The following DCAF8L2 variants were observed in gnomAD, a reference collection of about 807,000 sequenced individuals.
DCAF8L2 encodes DDB1 and CUL4 associated factor 8 like 2.
For synonymous variants in DCAF8L2, 200 were observed against 190.9 expected (o/e 1.05, Z -0.39); for missense variants, 430 against 490.7 (o/e 0.88, Z 1.17).
chrX:27,656,765 G>C (rs1929368812), intron 2 of DCAF8L2, among the ~76,000 whole-genome samples: 1 of 111,754 alleles, frequency 8.9e-6, no homozygotes, highest in African/African-American at 3.3e-5. Context: ...CTTAGGCTAA[G>C]ATCCAGAACA....
intron 4 of DCAF8L2, among the ~76,000 whole-genome samples, chrX:27,746,203 T>A (rs1319618201): frequency 8.9e-6 from 1 of 111,932 alleles, no homozygotes; most frequent in Non-Finnish European, 1.9e-5. Flanking sequence ...ATAAATAAAA[T>A]TTTAGTGGCA....
chrX:27,623,020 A>T (rs1156994229), intron 1 of DCAF8L2, among the ~76,000 whole-genome samples: 1 of 112,378 alleles, frequency 8.9e-6, no homozygotes, highest in South Asian at 3.6e-4. Flanking sequence ...TTATAAGGAA[A>T]CACTTTTGCT....
the DCAF8L2 span, among the ~76,000 whole-genome samples, chrX:27,468,974 G>T: frequency 8.9e-6 from 1 of 111,744 alleles, no homozygotes; most frequent in African/African-American, 3.3e-5. Flanking sequence ...AGCAGTCCTG[G>T]TTATTGTCTT....
At chrX:27,598,473 G>A (rs112828819) in intron 1 of DCAF8L2, among the ~76,000 whole-genome samples, 2,112 of 112,544 alleles carry the variant, frequency 0.019, 14 homozygotes, top group Middle Eastern at 0.041. Context: ...GGCACAGTGA[G>A]TTCTTGCTTC....
At chrX:27,493,246 A>C in the DCAF8L2 span, among the ~76,000 whole-genome samples, 2 of 111,213 alleles carry the variant, frequency 1.8e-5, no homozygotes, top group African/African-American at 6.5e-5. Context: ...GTCTAAAATA[A>C]ATTAAATTAA....
At chrX:27,536,977 C>A in the DCAF8L2 span, among the ~76,000 whole-genome samples, 1 of 112,276 alleles carries the variant, frequency 8.9e-6, no homozygotes, top group Non-Finnish European at 1.9e-5. Flanking sequence ...ATGATTATTT[C>A]TCGTACCCTC....
chrX:27,541,343 TTTTA>T, the DCAF8L2 span, among the ~76,000 whole-genome samples: 3,754 of 94,054 alleles, frequency 0.04, 133 homozygotes, highest in African/African-American at 0.096. Flanking sequence ...TTATTTTTTA[TTTTA>T]TTTATTTATT....
chrX:27,478,040 A>C, the DCAF8L2 span, among the ~76,000 whole-genome samples: 2 of 111,303 alleles, frequency 1.8e-5, no homozygotes, highest in Non-Finnish European at 3.8e-5. Flanking sequence ...CATGTGTCCA[A>C]TTCTGCTGTG....
chrX:27,480,043 C>T, the DCAF8L2 span, among the ~76,000 whole-genome samples: 1 of 112,520 alleles, frequency 8.9e-6, no homozygotes, highest in Non-Finnish European at 1.9e-5. Context: ...GGTCTCCAAA[C>T]ATGTTAAGAG....
At chrX:27,599,299 A>T (rs1010257398) in intron 1 of DCAF8L2, among the ~76,000 whole-genome samples, 1 of 111,614 alleles carries the variant, frequency 9.0e-6, no homozygotes, top group East Asian at 2.8e-4. Context: ...TTCCACCTAT[A>T]TGAGGTATCT....
At position 27,703,179 on chromosome X, in the gene DCAF8L2, G is replaced by A. The variant is rs1931195484; in HGVS notation, c.-142-12909G>A. ...TACACAGAATATTGCAAAACAGTTC[G>A]ACAGAAATGAAAGATTTAAATAAAT... On this transcript the variant is annotated intron_variant, in intron 3 of 4. Coordinates refer to ENST00000451261, the MANE Select transcript of DCAF8L2 (RefSeq NM_001353450.2). Among the ~76,000 whole-genome samples the A allele has an allele frequency of 4.5e-5, 5 of 111,114 alleles. No individual in the cohort carries two copies. In the South Asian group the frequency reaches 1.9e-3, roughly 41 times the overall value.
At chrX:27,493,703 T>G in the DCAF8L2 span, among the ~76,000 whole-genome samples, 1 of 40,888 alleles carries the variant, frequency 2.4e-5, no homozygotes, top group East Asian at 7.3e-4. Context: ...TGAAACTCCA[T>G]CTCAAAAAAA....
chrX:27,582,777 G>C, the DCAF8L2 span, among the ~76,000 whole-genome samples: 1 of 110,901 alleles, frequency 9.0e-6, no homozygotes, highest in African/African-American at 3.3e-5. Context: ...AGTATCGTTT[G>C]ATTCCTCCAA....
upstream of DCAF8L2, among the ~76,000 whole-genome samples, chrX:27,589,128 G>C (rs1925974742): frequency 9.0e-6 from 1 of 111,624 alleles, no homozygotes; most frequent in South Asian, 3.8e-4. Flanking sequence ...ATCCATGATA[G>C]AGAATGCAAT....
intron 2 of DCAF8L2, chrX:27,633,135 T>A (rs1249265921): frequency 2.7e-5 from 3 of 112,381 alleles, no homozygotes; most frequent in Admixed American, 1.9e-4. Flanking sequence ...TAGTGTAACA[T>A]GAAAATTGCA....
intron 3 of DCAF8L2, among the ~76,000 whole-genome samples, chrX:27,706,328 CT>C (rs766293901): frequency 9.2e-5 from 10 of 109,077 alleles, no homozygotes; most frequent in Middle Eastern, 4.7e-3. Flanking sequence ...TTTTAAAATA[CT>C]TTTTTTTTCT....
intron 4 of DCAF8L2, 26 bp from the exon 5 acceptor site, chrX:27,746,812 T>C (rs1465397677): frequency 1.0e-6 from 1 of 973,789 alleles, no homozygotes; most frequent in African/African-American, 2.0e-5. Context: ...CCATCAGTCC[T>C]AACCGCAGGC....
intron 2 of DCAF8L2, among the ~76,000 whole-genome samples, chrX:27,655,899 C>T (rs1022411667): frequency 1.8e-5 from 2 of 111,341 alleles, no homozygotes; most frequent in African/African-American, 6.5e-5. Flanking sequence ...TTAAGTACCT[C>T]TGCCTTCATT....
the DCAF8L2 span, among the ~76,000 whole-genome samples, chrX:27,579,023 A>G: frequency 8.9e-6 from 1 of 112,012 alleles, no homozygotes; most frequent in Non-Finnish European, 1.9e-5. Context: ...CTAGAACCAG[A>G]AATATCTTTT....
Sources: gnomAD v4.1 joint callset for allele counts (sites outside exome capture counted in the v4.1 genomes callset) on GRCh38, gnomAD v4.1.1 for gene constraint, MANE v1.5 for transcripts, NCBI Gene and HGNC (gene_info 2026-07-23, HGNC 2026-07-21) for gene names.